The following DAB1 variants were observed in gnomAD, a reference collection of about 807,000 sequenced individuals.
The protein encoded by DAB1 is disabled homolog 1.
A neutral mutation model predicts 64.6 loss-of-function variants in DAB1; 15 were observed. The ratio of observed to expected loss-of-function variants is 0.23; its 90% CI spans 0.16 to 0.36. The LOEUF (loss-of-function observed/expected upper bound fraction) is 0.36, where lower values mean the gene tolerates loss of function less well. Ranked by LOEUF, DAB1 falls within the 10% of genes least tolerant of loss-of-function variation. The probability of loss-of-function intolerance (pLI) is 1.00; values close to 1 mark genes in which losing one functional copy is unlikely to be tolerated. For missense variants in DAB1, 596 were observed against 706.7 expected (o/e 0.84, Z 1.78); for synonymous variants, 235 against 251.9 (o/e 0.93, Z 0.64).
At chr1:57,904,561 C>T (rs1327374623) in intron 5 of DAB1, among the ~76,000 whole-genome samples, 1 of 152,120 alleles carries the variant, frequency 6.6e-6, no homozygotes. Flanking sequence ...GAGTAATCAG[C>T]GCAAGGCTAC....
intron 7 of DAB1, among the ~76,000 whole-genome samples, chr1:57,469,930 A>T (rs1558410000): frequency 6.6e-6 from 1 of 152,300 alleles, no homozygotes; most frequent in Non-Finnish European, 1.5e-5. Context: ...ATTTAACATC[A>T]TTTTCTATAC....
At chr1:57,577,992 G>T (rs896319613) in intron 7 of DAB1, among the ~76,000 whole-genome samples, 2 of 152,162 alleles carry the variant, frequency 1.3e-5, no homozygotes, top group Admixed American at 1.3e-4. Flanking sequence ...CCCAGCTGGG[G>T]TCAACAGAGG....
chr1:57,209,267 T>C (rs137948648), intron 2 of DAB1, among the ~76,000 whole-genome samples: 4 of 152,314 alleles, frequency 2.6e-5, no homozygotes, highest in African/African-American at 7.2e-5. Flanking sequence ...CTAACAGCAT[T>C]TATGAACACT....
chr1:58,312,056 C>G (rs1165700852), intron 4 of DAB1, among the ~76,000 whole-genome samples: 1 of 152,046 alleles, frequency 6.6e-6, no homozygotes, highest in Non-Finnish European at 1.5e-5. Context: ...ATAAAGGAAG[C>G]AAGAAAAAGC....
intron 5 of DAB1, among the ~76,000 whole-genome samples, chr1:58,097,293 C>T (rs1651044477): frequency 6.6e-6 from 1 of 152,200 alleles, no homozygotes; most frequent in African/African-American, 2.4e-5. Context: ...GAGCAGAATT[C>T]ACACCCCGGC....
intron 7 of DAB1, among the ~76,000 whole-genome samples, chr1:57,632,322 ATCTTT>A (rs1442886513): frequency 1.3e-5 from 2 of 152,198 alleles, no homozygotes; most frequent in Non-Finnish European, 2.9e-5. Flanking sequence ...AGAAAAATAA[ATCTTT>A]TCTTTAATAG....
intron 12 of DAB1, 36 bp downstream of exon 12, chr1:57,014,847 T>C (rs773170229): frequency 1.4e-5 from 21 of 1,504,412 alleles, no homozygotes; most frequent in Non-Finnish European, 1.8e-5. Flanking sequence ...GTTACGGCTC[T>C]CATTGGGTTT....
intron 5 of DAB1, among the ~76,000 whole-genome samples, chr1:58,017,823 A>T (rs1557611426): frequency 6.6e-6 from 1 of 152,158 alleles, no homozygotes. Context: ...ACATGAGCTC[A>T]TGGTAGCCCC....
chr1:57,481,098 C>T (rs1243154236), intron 7 of DAB1, among the ~76,000 whole-genome samples: 1 of 152,078 alleles, frequency 6.6e-6, no homozygotes, highest in Non-Finnish European at 1.5e-5. Flanking sequence ...ATTAGTGGCT[C>T]CCTAGTTTTG....
At chr1:58,205,497 C>G (rs750666354) in intron 4 of DAB1, among the ~76,000 whole-genome samples, 2 of 152,194 alleles carry the variant, frequency 1.3e-5, no homozygotes, top group African/African-American at 4.8e-5. Context: ...TCACCCATGG[C>G]CCCTCAAGGC....
rs17117670 is a variant in DAB1, at chr1:58,533,161, C to A, written n.33-5826G>T. On this transcript the variant is annotated intron_variant and non_coding_transcript_variant, in intron 1 of 20. Transcript: ENST00000485760. ...GTGTGAAACAGATGTGTTATTTTTC[C>A]TGGACTTATATCAAGATGAACAGAC... is the stretch of plus-strand genomic sequence containing the variant. Among the ~76,000 whole-genome samples the A allele has an allele frequency of 9.5e-3, 1,437 of 152,050 alleles. 21 individuals carry two copies. Among genetic ancestry groups the A allele is most frequent in the African/African-American group, 0.032 (1,341 of 41,460 alleles).
At chr1:58,544,501 C>T (rs916512094) in intron 1 of DAB1, among the ~76,000 whole-genome samples, 4 of 152,148 alleles carry the variant, frequency 2.6e-5, no homozygotes, top group African/African-American at 4.8e-5. Flanking sequence ...AGTATTTTCA[C>T]CTTATATATT....
chr1:57,539,208 T>G (rs1278254593), intron 7 of DAB1, among the ~76,000 whole-genome samples: 1 of 152,188 alleles, frequency 6.6e-6, no homozygotes, highest in Admixed American at 6.5e-5. Flanking sequence ...AAAAATATTG[T>G]AGAATGAACA....
At chr1:57,407,283 G>A (rs1205545786) in intron 1 of DAB1, among the ~76,000 whole-genome samples, 1 of 152,048 alleles carries the variant, frequency 6.6e-6, no homozygotes, top group Non-Finnish European at 1.5e-5. Context: ...ACGTGACCTA[G>A]TTTTTGAAGG....
chr1:57,044,946 C>A (rs3768201), intron 9 of DAB1, among the ~76,000 whole-genome samples: 63,390 of 151,968 alleles, frequency 0.42, 13,431 homozygotes, highest in South Asian at 0.51. Flanking sequence ...TCATATATTA[C>A]CTCATTTAAT....
At chr1:58,059,958 G>T (rs1478994614) in intron 5 of DAB1, among the ~76,000 whole-genome samples, 2 of 152,186 alleles carry the variant, frequency 1.3e-5, no homozygotes, top group Admixed American at 6.5e-5. Context: ...CTTCCTGGGA[G>T]CTCCCGGGAA....
intron 5 of DAB1, among the ~76,000 whole-genome samples, chr1:58,053,708 G>A (rs1486480107): frequency 2.0e-5 from 3 of 152,134 alleles, no homozygotes; most frequent in African/African-American, 4.8e-5. Flanking sequence ...ATGAAAGTAG[G>A]TGCCACATGG....
chr1:57,827,262 C>T (rs2101900719), intron 1 of DAB1, among the ~76,000 whole-genome samples: 1 of 152,266 alleles, frequency 6.6e-6, no homozygotes, highest in East Asian at 1.9e-4. Context: ...ACAGTTCAGC[C>T]ATTGTTAAAG....
At chr1:57,057,836 C>T (rs1306987170) in intron 9 of DAB1, among the ~76,000 whole-genome samples, 1 of 152,122 alleles carries the variant, frequency 6.6e-6, no homozygotes, top group Non-Finnish European at 1.5e-5. Flanking sequence ...TCTCGATCTC[C>T]TGACCTCCTG....
Sources: allele counts gnomAD v4.1 joint callset (sites outside exome capture counted in the v4.1 genomes callset), GRCh38; gene constraint gnomAD v4.1.1; transcripts MANE v1.5; gene names NCBI Gene and HGNC (gene_info 2026-07-23, HGNC 2026-07-21).